The following SAMD5 variants were observed in gnomAD, a reference collection of about 807,000 sequenced individuals.
SAMD5 encodes the protein sterile alpha motif domain-containing protein 5.
A neutral mutation model predicts 11.3 loss-of-function variants in SAMD5; 13 were observed. The observed-to-expected ratio is 1.15, with a 90% confidence interval of 0.75 to 1.83. The LOEUF is 1.83. Among genes scored for constraint, SAMD5 ranks in the 40% most tolerant of loss-of-function variants. The pLI, the probability that SAMD5 is intolerant of heterozygous loss-of-function variation, is 0.00. For synonymous variants in SAMD5, 129 were observed against 111.3 expected, an observed-to-expected ratio of 1.16 and a Z score of -1.00; for missense variants, 255 against 239.1, an observed-to-expected ratio of 1.07 and a Z score of -0.44.
chr6:147,587,036 T>C (rs527782900), intron 1 of SAMD5, among the ~76,000 whole-genome samples: 1 of 152,270 alleles, frequency 6.6e-6, no homozygotes, highest in Non-Finnish European at 1.5e-5. Flanking sequence ...ACAAAATGAA[T>C]GTTATTTTCC....
chr6:147,609,284 CT>C (rs1200429994), intron 1 of SAMD5, among the ~76,000 whole-genome samples: 1 of 152,118 alleles, frequency 6.6e-6, no homozygotes, highest in East Asian at 1.9e-4. Context: ...AGGGGGAGCA[CT>C]TTGTGAACAT....
the SAMD5 span, among the ~76,000 whole-genome samples, chr6:147,744,899 C>CAGTAAATAAATAAATAAATA: frequency 7.3e-6 from 1 of 137,296 alleles, no homozygotes; most frequent in African/African-American, 3.1e-5. Flanking sequence ...CTCTGTCTCA[C>CAGTAAATAAATAAATAAATA]AATAAATAAA....
intron 1 of SAMD5, among the ~76,000 whole-genome samples, chr6:147,610,478 T>C (rs868750179): frequency 2.1e-4 from 32 of 152,360 alleles, no homozygotes; most frequent in African/African-American, 7.7e-4. Context: ...CCATCTGTTA[T>C]GCAATATATT....
the SAMD5 span, among the ~76,000 whole-genome samples, chr6:147,888,488 G>A: frequency 6.6e-6 from 1 of 151,954 alleles, no homozygotes; most frequent in Non-Finnish European, 1.5e-5. Flanking sequence ...CATGTTGTTG[G>A]GGCATTGTCT....
chr6:147,861,044 G>A, the SAMD5 span, among the ~76,000 whole-genome samples: 298 of 152,288 alleles, frequency 2.0e-3, no homozygotes, highest in Middle Eastern at 3.4e-3. Context: ...CAGAAATTAA[G>A]TCACTGGCCT....
rs372941981 is a variant in SAMD5, at chr6:147,549,953, G to A, written c.460-14441G>A. 1.1e-4 allele frequency among the ~76,000 whole-genome samples: 16 copies of A among 150,476 alleles called. No individual in the cohort carries two copies. The East Asian group carries it at 2.7e-3, about 26-fold the overall frequency. On this transcript the variant is annotated intron_variant, in intron 1 of 1. Coordinates refer to ENST00000367474, the MANE Select transcript of SAMD5 (RefSeq NM_001030060.3). Reference sequence around the variant, plus strand: ...TCTATCAACCGGCTATTATTAAAAAGTCAAAAATAGGCCATACGAGATGGC... The same window carrying A: ...TCTATCAACCGGCTATTATTAAAAAATCAAAAATAGGCCATACGAGATGGC...
chr6:147,514,787 T>G (rs1236287923), intron 1 of SAMD5, among the ~76,000 whole-genome samples: 5 of 152,180 alleles, frequency 3.3e-5, no homozygotes, highest in Non-Finnish European at 5.9e-5. Context: ...TTTAATACTT[T>G]CGTAGGAGTG....
At chr6:147,531,169 T>G (rs1788425143) in intron 1 of SAMD5, among the ~76,000 whole-genome samples, 4 of 128,020 alleles carry the variant, frequency 3.1e-5, no homozygotes, top group Non-Finnish European at 6.9e-5. Flanking sequence ...TTTTTTTTTT[T>G]TTGTCAATTT....
At chr6:147,593,452 T>A (rs1789485247) in intron 1 of SAMD5, among the ~76,000 whole-genome samples, 1 of 152,176 alleles carries the variant, frequency 6.6e-6, no homozygotes. Flanking sequence ...AGTCACCGAT[T>A]TAATAGAGCT....
intron 1 of SAMD5, among the ~76,000 whole-genome samples, chr6:147,701,877 A>G (rs1035555495): frequency 1.5e-4 from 23 of 152,138 alleles, no homozygotes; most frequent in African/African-American, 5.1e-4. Context: ...TGGGGAGAAA[A>G]TTCATCTAGG....
chr6:147,756,900 C>T, the SAMD5 span, among the ~76,000 whole-genome samples: 1 of 152,224 alleles, frequency 6.6e-6, no homozygotes, highest in African/African-American at 2.4e-5. Context: ...AAAATTGTGG[C>T]TTTCAACATC....
At chr6:147,636,647 A>G (rs578037132) in intron 1 of SAMD5, among the ~76,000 whole-genome samples, 14 of 152,304 alleles carry the variant, frequency 9.2e-5, no homozygotes, top group South Asian at 4.1e-4. Flanking sequence ...GTGCTGCCCA[A>G]TGGTTAGGCA....
At chr6:147,914,717 A>C in the SAMD5 span, among the ~76,000 whole-genome samples, 1 of 152,178 alleles carries the variant, frequency 6.6e-6, no homozygotes, top group Non-Finnish European at 1.5e-5. Context: ...TGCAAGGGGA[A>C]AAACAGTAAT....
chr6:147,890,288 A>C, the SAMD5 span, among the ~76,000 whole-genome samples: 1 of 152,186 alleles, frequency 6.6e-6, no homozygotes, highest in African/African-American at 2.4e-5. Flanking sequence ...ACATAGCTAA[A>C]ATGCATATAA....
the SAMD5 span, among the ~76,000 whole-genome samples, chr6:147,750,064 G>T: frequency 6.6e-6 from 1 of 152,204 alleles, no homozygotes; most frequent in South Asian, 2.1e-4. Context: ...ATATATCAAG[G>T]TTATTGGCAC....
At chr6:147,925,472 T>C in the SAMD5 span, among the ~76,000 whole-genome samples, 3 of 150,366 alleles carry the variant, frequency 2.0e-5, no homozygotes, top group African/African-American at 7.4e-5. Context: ...ATAGGAACTA[T>C]GGAAAATTAA....
At chr6:147,526,966 A>AT (rs1236988028) in intron 1 of SAMD5, among the ~76,000 whole-genome samples, 1 of 152,212 alleles carries the variant, frequency 6.6e-6, no homozygotes, top group Non-Finnish European at 1.5e-5. Context: ...GCTCCTTCAC[A>AT]TTTTTAACAT....
At chr6:147,677,995 C>T (rs972210525) in intron 1 of SAMD5, among the ~76,000 whole-genome samples, 7 of 152,082 alleles carry the variant, frequency 4.6e-5, no homozygotes, top group African/African-American at 1.7e-4. Flanking sequence ...TGGTTCTCAT[C>T]CTACCTCTTT....
the SAMD5 span, among the ~76,000 whole-genome samples, chr6:147,794,699 T>C: frequency 8.5e-5 from 13 of 152,188 alleles, no homozygotes; most frequent in Admixed American, 8.5e-4. Context: ...GGGTAAGGCA[T>C]AGGAAGCATG....
Sources: gnomAD v4.1 joint callset for allele counts (sites outside exome capture counted in the v4.1 genomes callset) on GRCh38, gnomAD v4.1.1 for gene constraint, MANE v1.5 for transcripts, NCBI Gene and HGNC (gene_info 2026-07-23, HGNC 2026-07-21) for gene names.